CFTR: variants seen among roughly 807,000 people sequenced by gnomAD.
CFTR encodes cystic fibrosis transmembrane conductance regulator.
CFTR carries 181 observed loss-of-function variants against 171.6 expected under a neutral mutation model. The observed-to-expected ratio is 1.05, with a 90% confidence interval of 0.93 to 1.19. The LOEUF is 1.19. Ranked by LOEUF, CFTR falls within the 50% of genes most tolerant of loss-of-function variation. CFTR has a pLI of 0.00. For synonymous variants in CFTR, 583 were observed against 608.0 expected, an observed-to-expected ratio of 0.96 and a Z score of 0.60; for missense variants, 1,968 against 1,734.7, an observed-to-expected ratio of 1.13 and a Z score of -2.39.
chr7:117,643,420 C>T (rs1310052455), intron 23 of CFTR, among the ~76,000 whole-genome samples: 2 of 152,066 alleles, frequency 1.3e-5, no homozygotes, highest in Non-Finnish European at 2.9e-5. Context: ...ATGCCAGGAG[C>T]ACCTCCAGGT....
intron 3 of CFTR, among the ~76,000 whole-genome samples, chr7:117,526,037 G>T (rs200789959): frequency 1.2e-4 from 18 of 150,102 alleles, no homozygotes; most frequent in South Asian, 1.1e-3. Context: ...TTCCTTTCCA[G>T]GTTTAGCGCT....
chr7:117,516,536 C>T (rs1437946495), intron 3 of CFTR, among the ~76,000 whole-genome samples: 2 of 152,120 alleles, frequency 1.3e-5, no homozygotes, highest in Non-Finnish European at 2.9e-5. Flanking sequence ...AACTGATGAG[C>T]AACTGAGAAG....
intron 24 of CFTR, among the ~76,000 whole-genome samples, chr7:117,656,005 A>G (rs1284792800): frequency 6.6e-6 from 1 of 152,154 alleles, no homozygotes; most frequent in African/African-American, 2.4e-5. Flanking sequence ...TAATACCAGC[A>G]TCTTTGAAGT....
chr7:117,655,418 G>A (rs1793151672), intron 24 of CFTR, among the ~76,000 whole-genome samples: 1 of 152,080 alleles, frequency 6.6e-6, no homozygotes, highest in South Asian at 2.1e-4. Flanking sequence ...CCAATAACAT[G>A]TTCCTCATTT....
chr7:117,554,474 T>C (rs1413118398), intron 10 of CFTR, among the ~76,000 whole-genome samples: 1 of 152,030 alleles, frequency 6.6e-6, no homozygotes, highest in Non-Finnish European at 1.5e-5. Flanking sequence ...TTGGGAATAT[T>C]AAGTTTGAAA....
In CFTR at chr7:117,667,409, T is replaced by C; in HGVS notation, c.*301T>C. On this transcript the variant is annotated 3_prime_UTR_variant, in exon 27 of 27. Transcript: ENST00000003084. ...GAAAACCCTTGCCATGTGCTAGTAA[T>C]TGGAAAGGCAGCTCTAAATGTCAAT... 1 of 390,300 alleles carries C rather than the reference T, an allele frequency of 2.6e-6. No individual in the cohort carries two copies. The highest frequency in any genetic ancestry group is 4.9e-6 in the Non-Finnish European group (1 of 204,338). The allele number at this position is 390,300 out of a possible 1,614,324, so 24.2% of individuals were successfully genotyped here.
chr7:117,665,761 A>G (rs1004679801), intron 26 of CFTR, among the ~76,000 whole-genome samples, 197 bp downstream of exon 26: 2 of 152,244 alleles, frequency 1.3e-5, no homozygotes, highest in Admixed American at 6.5e-5. Context: ...AGGTTGAAAT[A>G]TAGTAAATCT....
intron 21 of CFTR, 55 bp downstream of exon 21, chr7:117,614,768 G>C (rs1792459769): frequency 6.3e-6 from 7 of 1,103,962 alleles, no homozygotes; most frequent in Non-Finnish European, 9.8e-6. Flanking sequence ...AAGTAACAAA[G>C]TATGAGTAAT....
At chr7:117,567,812 A>G (rs1584802036) in intron 11 of CFTR, among the ~76,000 whole-genome samples, 1 of 152,196 alleles carries the variant, frequency 6.6e-6, no homozygotes, top group African/African-American at 2.4e-5. Context: ...CTTTCATTCT[A>G]GTAGAGAAGA....
chr7:117,661,406 G>GA (rs1056654153), intron 24 of CFTR, among the ~76,000 whole-genome samples: 14 of 152,216 alleles, frequency 9.2e-5, no homozygotes, highest in African/African-American at 3.4e-4. Flanking sequence ...TTCATCTGGG[G>GA]AAAAACATAC....
chr7:117,625,981 T>C (rs1049973241), intron 21 of CFTR, among the ~76,000 whole-genome samples: 1 of 152,174 alleles, frequency 6.6e-6, no homozygotes, highest in African/African-American at 2.4e-5. Flanking sequence ...TATATGCCTT[T>C]TACTTTCTCT....
intron 3 of CFTR, among the ~76,000 whole-genome samples, chr7:117,517,820 T>C (rs139397530): frequency 0.026 from 3,726 of 140,998 alleles, 155 homozygotes; most frequent in African/African-American, 0.094. Context: ...ATGATGAGCT[T>C]CTTTTCATGT....
At chr7:117,596,210 G>GGC (rs1327781577) in intron 15 of CFTR, among the ~76,000 whole-genome samples, 2 of 152,212 alleles carry the variant, frequency 1.3e-5, no homozygotes, top group African/African-American at 4.8e-5. Flanking sequence ...GTTCTGGGTG[G>GGC]GTGTGGGCTG....
intron 21 of CFTR, among the ~76,000 whole-genome samples, chr7:117,625,421 C>T (rs1358760930): frequency 6.6e-6 from 1 of 152,126 alleles, no homozygotes; most frequent in Admixed American, 6.5e-5. Flanking sequence ...AAACAGAAAA[C>T]ATTGTATGTT....
intron 3 of CFTR, among the ~76,000 whole-genome samples, chr7:117,511,808 AG>A (rs1164814429): frequency 6.6e-6 from 1 of 152,210 alleles, no homozygotes; most frequent in Non-Finnish European, 1.5e-5. Context: ...CAGTTTTTTC[AG>A]GATATCTGAT....
Position 117,540,296 on chromosome 7 carries a change from T to C in CFTR, c.1066T>C (p.Trp356Arg). 1 of 1,614,086 alleles carries C rather than the reference T, an allele frequency of 6.2e-7. No individual in the cohort carries two copies. The highest frequency in any genetic ancestry group is 2.2e-5 in the East Asian group (1 of 44,882). ...CATGGCGGTCACTCGGCAATTTCCC[T>C]GGGCTGTACAAACATGGTATGACTC... ...LRMAVTRQFPWAVQTWYDSLG... is the reference protein window; with the variant it reads ...LRMAVTRQFPRAVQTWYDSLG... The change falls in exon 8 of 27, where the codon TGG becomes CGG. Residue 356 changes from tryptophan to arginine, a missense_variant. By Grantham distance (101) the Trp-to-Arg change is moderately radical (BLOSUM62 -3). Coordinates refer to ENST00000003084, the MANE Select transcript of CFTR (RefSeq NM_000492.4).
At chr7:117,577,939 A>T (rs188039578) in intron 11 of CFTR, among the ~76,000 whole-genome samples, 1 of 152,140 alleles carries the variant, frequency 6.6e-6, no homozygotes, top group Non-Finnish European at 1.5e-5. Context: ...CTTATGCAGG[A>T]TACCAAGTCT....
chr7:117,658,113 C>T (rs934798769), intron 24 of CFTR, among the ~76,000 whole-genome samples: 2 of 152,152 alleles, frequency 1.3e-5, no homozygotes, highest in Non-Finnish European at 2.9e-5. Flanking sequence ...AAATCTAGAA[C>T]TTGGATAGTT....
chr7:117,482,636 A>G (rs1798015883), intron 1 of CFTR, among the ~76,000 whole-genome samples: 1 of 152,216 alleles, frequency 6.6e-6, no homozygotes, highest in Non-Finnish European at 1.5e-5. Flanking sequence ...ATATATTAGC[A>G]TATAATTTAT....
Sources: allele counts gnomAD v4.1 joint callset (sites outside exome capture counted in the v4.1 genomes callset), GRCh38; gene constraint gnomAD v4.1.1; transcripts MANE v1.5; gene names NCBI Gene and HGNC (gene_info 2026-07-23, HGNC 2026-07-21).